The following NIBAN1 variants were observed in gnomAD, a reference collection of about 807,000 sequenced individuals.
NIBAN1 encodes protein Niban 1.
Under a neutral mutation model 75.1 loss-of-function variants are expected in NIBAN1, and 81 were observed. The ratio of observed to expected loss-of-function variants is 1.08; its 90% CI spans 0.90 to 1.30. NIBAN1 has a LOEUF of 1.30. NIBAN1 is among the 50% of genes most tolerant of loss of function. The probability of loss-of-function intolerance (pLI) is 0.00; values close to 1 mark genes in which losing one functional copy is unlikely to be tolerated. For missense variants in NIBAN1, 1,133 were observed against 1,128.1 expected, an observed-to-expected ratio of 1.00 and a Z score of -0.06; for synonymous variants, 436 against 424.8, an observed-to-expected ratio of 1.03 and a Z score of -0.32.
chr1:184,911,727 C>G (rs898290312), intron 1 of NIBAN1, among the ~76,000 whole-genome samples: 3 of 152,182 alleles, frequency 2.0e-5, no homozygotes, highest in Non-Finnish European at 4.4e-5. Context: ...TCTCTGGACC[C>G]TGCTCTGTAT....
intron 8 of NIBAN1, among the ~76,000 whole-genome samples, chr1:184,820,446 C>T (rs1411145412): frequency 2.6e-5 from 4 of 152,222 alleles, no homozygotes; most frequent in African/African-American, 9.7e-5. Context: ...CCTTCCTCTA[C>T]CTCTGCTCAT....
chr1:184,801,723 A>G (rs904774925), intron 12 of NIBAN1, among the ~76,000 whole-genome samples: 4 of 152,174 alleles, frequency 2.6e-5, no homozygotes, highest in African/African-American at 7.2e-5. Flanking sequence ...GACTTCAGGG[A>G]TGCTGGGCTG....
At chr1:184,852,441 A>G (rs781572994) in intron 5 of NIBAN1, among the ~76,000 whole-genome samples, 52 of 152,190 alleles carry the variant, frequency 3.4e-4, no homozygotes, top group Non-Finnish European at 6.0e-4. Context: ...GTCCTTATGG[A>G]CAAGGACTGT....
At chr1:184,959,204 A>T (rs6424970) in intron 1 of NIBAN1, among the ~76,000 whole-genome samples, 125,620 of 152,126 alleles carry the variant, frequency 0.83, 52,070 homozygotes, top group African/African-American at 0.88. Flanking sequence ...AGCAGCTCCC[A>T]GTGTACATTC....
chr1:184,880,198 A>G (rs1656341111), intron 5 of NIBAN1, among the ~76,000 whole-genome samples: 1 of 152,114 alleles, frequency 6.6e-6, no homozygotes, highest in Non-Finnish European at 1.5e-5. Flanking sequence ...CTGTTCCCCC[A>G]AATCCTTTAG....
intron 6 of NIBAN1, among the ~76,000 whole-genome samples, chr1:184,826,201 T>G (rs1654836793): frequency 6.6e-6 from 1 of 152,184 alleles, no homozygotes; most frequent in Admixed American, 6.5e-5. Context: ...CAAGTGGATC[T>G]GCCTGGCGTG....
intron 1 of NIBAN1, among the ~76,000 whole-genome samples, chr1:184,948,888 T>G (rs1304648539): frequency 3.3e-5 from 5 of 152,144 alleles, no homozygotes; most frequent in Admixed American, 6.6e-5. Flanking sequence ...TAACAACAGA[T>G]TGAAGGATCA....
intron 1 of NIBAN1, among the ~76,000 whole-genome samples, chr1:184,932,233 G>A (rs1028851164): frequency 2.0e-5 from 3 of 152,082 alleles, no homozygotes; most frequent in African/African-American, 7.2e-5. Flanking sequence ...CACTTATTGT[G>A]TACTTTATTT....
At chr1:184,929,133 T>C (rs1657756538) in intron 1 of NIBAN1, among the ~76,000 whole-genome samples, 1 of 152,250 alleles carries the variant, frequency 6.6e-6, no homozygotes, top group African/African-American at 2.4e-5. Flanking sequence ...TCCATGATTT[T>C]AGTGTCATAT....
At chr1:184,902,726 A>G (rs1336988138) in intron 1 of NIBAN1, among the ~76,000 whole-genome samples, 1 of 152,168 alleles carries the variant, frequency 6.6e-6, no homozygotes, top group Non-Finnish European at 1.5e-5. Flanking sequence ...GCATTCCTGA[A>G]TTAAAACCAA....
intron 1 of NIBAN1, among the ~76,000 whole-genome samples, chr1:184,906,148 T>G (rs12086836): frequency 1.1e-4 from 15 of 138,608 alleles, no homozygotes; most frequent in South Asian, 2.3e-4. Flanking sequence ...GTGGTGGGGG[T>G]GGGGTGAGGG....
At chr1:184,840,166 A>G (rs1033559023) in intron 5 of NIBAN1, among the ~76,000 whole-genome samples, 1 of 152,270 alleles carries the variant, frequency 6.6e-6, no homozygotes, top group Non-Finnish European at 1.5e-5. Context: ...ACATTTATAC[A>G]TGACCAACCT....
At chr1:184,832,130 G>T (rs575615546) in intron 5 of NIBAN1, among the ~76,000 whole-genome samples, 168 bp from the exon 6 acceptor site, 1 of 152,182 alleles carries the variant, frequency 6.6e-6, no homozygotes, top group Admixed American at 6.5e-5. Flanking sequence ...TTAATTTGCA[G>T]GTGTACATCA....
Position 184,867,983 on chromosome 1 carries a change from A to C in NIBAN1, c.601+16650T>G, listed in dbSNP as rs993304215. On this transcript the variant is annotated intron_variant, in intron 5 of 13. Transcript: ENST00000367511. ...CTAGGGAAAGGTGGGGAAGGAAAAA[A>C]CAACAAATGAAGAGAAGTCTCAGTT... 4.1e-6 allele frequency: 4 copies of C among 985,396 alleles called. No individual in the cohort carries two copies. In the South Asian group the frequency reaches 1.4e-4, roughly 35 times the overall value. The allele number at this position is 985,396 out of a possible 1,614,324, so 61.0% of individuals were successfully genotyped here. A position where few individuals can be genotyped will look rare whatever the true frequency, so the allele number is the denominator to read the frequency against.
chr1:184,864,946 T>A (rs1276717884), intron 5 of NIBAN1, among the ~76,000 whole-genome samples: 5 of 147,288 alleles, frequency 3.4e-5, no homozygotes, highest in African/African-American at 1.3e-4. Context: ...AAGAATGACC[T>A]CATCACAGGT....
intron 5 of NIBAN1, among the ~76,000 whole-genome samples, chr1:184,866,178 T>C (rs112686028): frequency 4.1e-4 from 62 of 152,210 alleles, no homozygotes; most frequent in African/African-American, 1.4e-3. Context: ...GATAAATAAA[T>C]AGTCAATGAT....
chr1:184,823,024 G>T, intron 8 of NIBAN1, 143 bp downstream of exon 8: 1 of 954,136 alleles, frequency 1.0e-6, no homozygotes, highest in Non-Finnish European at 1.5e-6. Flanking sequence ...GGTACCTCCA[G>T]CATGTTCCTG....
intron 1 of NIBAN1, among the ~76,000 whole-genome samples, chr1:184,937,446 C>A (rs928552864): frequency 6.6e-6 from 1 of 152,112 alleles, no homozygotes; most frequent in Admixed American, 6.5e-5. Context: ...CCTTTCTTCT[C>A]CACACCACCA....
intron 1 of NIBAN1, among the ~76,000 whole-genome samples, chr1:184,969,003 C>T (rs547000340): frequency 6.6e-6 from 1 of 152,118 alleles, no homozygotes; most frequent in South Asian, 2.1e-4. Flanking sequence ...GAGACTTGGA[C>T]GAAGATGGTC....
Sources: allele counts gnomAD v4.1 joint callset (sites outside exome capture counted in the v4.1 genomes callset), GRCh38; gene constraint gnomAD v4.1.1; transcripts MANE v1.5; gene names NCBI Gene and HGNC (gene_info 2026-07-23, HGNC 2026-07-21).